Variants in PTPRQ observed in about 807,000 individuals in gnomAD.
PTPRQ encodes the protein protein tyrosine phosphatase receptor type Q.
PTPRQ carries 199 observed loss-of-function variants against 246.0 expected under a neutral mutation model. The observed-to-expected ratio is 0.81, with a 90% CI of 0.72 to 0.91. PTPRQ has a LOEUF of 0.91. Ranked by LOEUF, PTPRQ falls within the 40% of genes least tolerant of loss-of-function variation. PTPRQ has a pLI of 0.00. For synonymous variants in PTPRQ, 869 were observed against 853.2 expected, an observed-to-expected ratio of 1.02 and a Z score of -0.32; for missense variants, 2,624 against 2,528.4, an observed-to-expected ratio of 1.04 and a Z score of -0.81.
chr12:80,523,729 ATAGT>A (rs1895588125), intron 17 of PTPRQ, among the ~76,000 whole-genome samples: 1 of 152,108 alleles, frequency 6.6e-6, no homozygotes, highest in African/African-American at 2.4e-5. Flanking sequence ...GATCTGAGAG[ATAGT>A]TTGTTATAAT....
chr12:80,638,783 G>C (rs957685118), intron 35 of PTPRQ, among the ~76,000 whole-genome samples: 26 of 152,098 alleles, frequency 1.7e-4, no homozygotes, highest in Middle Eastern at 3.4e-3. Flanking sequence ...AACATTCAAG[G>C]ATATACTAAA....
rs148721886 is a variant in PTPRQ, at chr12:80,620,930, C to G, written c.5612+554C>G. Among the ~76,000 whole-genome samples the G allele has an allele frequency of 1.0e-3, 155 of 151,882 alleles. 1 individual carries two copies. The highest frequency in any genetic ancestry group is 3.7e-3 in the African/African-American group (154 of 41,506). On this transcript the variant is annotated intron_variant, in intron 32 of 44. Coordinates refer to ENST00000644991, the MANE Select transcript of PTPRQ (RefSeq NM_001145026.2). ...TTTTAAAATCAATTTGATATTTTGG[C>G]TGTATTAAATTATTTGCTAAATTGA...
chr12:80,502,541 T>C (rs1208784097), intron 14 of PTPRQ, among the ~76,000 whole-genome samples: 1 of 151,936 alleles, frequency 6.6e-6, no homozygotes, highest in South Asian at 2.1e-4. Context: ...TTAATTCCAA[T>C]TGTAATTTTC....
chr12:80,674,636 A>G (rs1046624759), intron 43 of PTPRQ, among the ~76,000 whole-genome samples: 1 of 152,178 alleles, frequency 6.6e-6, no homozygotes, highest in Non-Finnish European at 1.5e-5. Flanking sequence ...TGTAAATTGT[A>G]AACATAAATA....
chr12:80,574,022 T>G (rs2120966839), intron 25 of PTPRQ, among the ~76,000 whole-genome samples: 1 of 152,276 alleles, frequency 6.6e-6, no homozygotes, highest in Admixed American at 6.5e-5. Context: ...CGATTGTGGG[T>G]TTTTTTCTTT....
At position 80,604,983 on chromosome 12, in the gene PTPRQ, A is replaced by C. The variant is rs897729440; in HGVS notation, c.4610-76A>C. The stretch of plus-strand genomic sequence containing the variant: ...AATTTATTATGACTATCCATTTTTC[A>C]TGGTCTTTTCTATTATTGTGCTGTA... On this transcript the variant is annotated intron_variant, in intron 26 of 44. Coordinates refer to ENST00000644991, the MANE Select transcript of PTPRQ (RefSeq NM_001145026.2). The C allele has an allele frequency of 6.7e-6, 9 of 1,339,844 alleles. No homozygotes were observed. In the Admixed American group the frequency reaches 3.1e-4, roughly 47 times the overall value. 83.0% of individuals were successfully genotyped at this position (1,339,844 alleles called of 1,614,324 possible).
At position 80,669,344 on chromosome 12, in the gene PTPRQ, A is replaced by G. The variant is rs780857445; in HGVS notation, c.6333A>G (p.Arg2111=). Residue 2111 remains arginine, a synonymous_variant, in exon 41 of 45, where the codon AGA becomes AGG. Coordinates refer to ENST00000644991, the MANE Select transcript of PTPRQ (RefSeq NM_001145026.2). Reference sequence around the variant, plus strand: ...ATGATTTTCTCTGAATGCAGATCAGATGCCATCAGTATTGGCCAGAGGACA... The same window carrying G: ...ATGATTTTCTCTGAATGCAGATCAGGTGCCATCAGTATTGGCCAGAGGACA... ...LTQCFEKGRI[R]CHQYWPEDNK... is the part of the protein sequence containing the mutation. 38 of 1,549,524 alleles carry G rather than the reference A, an allele frequency of 2.5e-5. No individual in the cohort carries two copies. In the South Asian group the frequency reaches 3.0e-4, roughly 12 times the overall value.
intron 35 of PTPRQ, among the ~76,000 whole-genome samples, chr12:80,640,023 C>T (rs1899796573): frequency 7.3e-6 from 1 of 137,276 alleles, no homozygotes; most frequent in Admixed American, 7.6e-5. Flanking sequence ...TATGAAGATA[C>T]ACGTGTGTGT....
chr12:80,506,024 T>C lies in PTPRQ; in HGVS notation c.2273T>C (p.Val758Ala), dbSNP rs1894946115. ...GTATCTATATTTTTGTTTCTTTCAG[T>C]GCCTGATAGTGCACCAGAAAATATC... The part of the protein sequence containing the change: ...SLLSVRTSET[V>A]PDSAPENITY... Residue 758 changes from valine (V) to alanine (A), a missense_variant and splice_region_variant, in exon 15 of 45, where the codon GTG becomes GCG. Physicochemically the swap from Val to Ala is moderately conservative, Grantham distance 64. Coordinates refer to ENST00000644991, the MANE Select transcript of PTPRQ (RefSeq NM_001145026.2). 6 of 1,538,550 alleles carry C rather than the reference T, an allele frequency of 3.9e-6. No homozygotes were observed. The highest frequency in any genetic ancestry group is 5.3e-6 in the Non-Finnish European group (6 of 1,142,648).
intron 25 of PTPRQ, among the ~76,000 whole-genome samples, chr12:80,563,713 G>A (rs1197427429): frequency 6.6e-6 from 1 of 152,124 alleles, no homozygotes; most frequent in Non-Finnish European, 1.5e-5. Context: ...AGTCTCCACT[G>A]GGATCACCCT....
chr12:80,632,186 C>T lies in PTPRQ; in HGVS notation c.5687-6C>T, dbSNP rs1565830634. 1.3e-6 allele frequency: 2 copies of T among 1,549,884 alleles called. No homozygotes were observed. The highest frequency in any genetic ancestry group is 1.7e-6 in the Non-Finnish European group (2 of 1,146,566). On this transcript the variant is annotated splice_polypyrimidine_tract_variant and splice_region_variant and intron_variant, in intron 33 of 44. Transcript: ENST00000644991. ...ATTTAATGATCCTGTTATCCCTCTT[C>T]TCCAGGGGAAGGACTTTCAGAAAGA...
At chr12:80,544,278 G>C (rs1896241097) in intron 23 of PTPRQ, among the ~76,000 whole-genome samples, 1 of 151,512 alleles carries the variant, frequency 6.6e-6, no homozygotes, top group Non-Finnish European at 1.5e-5. Flanking sequence ...ACAATTCCAA[G>C]CATGTGATAA....
intron 17 of PTPRQ, among the ~76,000 whole-genome samples, chr12:80,530,352 G>T (rs1731116122): frequency 6.6e-6 from 1 of 152,104 alleles, no homozygotes; most frequent in Admixed American, 6.6e-5. Flanking sequence ...TCTCTATTTT[G>T]AGGATAGGGG....
intron 25 of PTPRQ, among the ~76,000 whole-genome samples, chr12:80,553,303 C>T (rs7309612): frequency 0.97 from 147,940 of 152,110 alleles, 72,165 homozygotes; most frequent in African/African-American, 0.99. Context: ...TAAAATTGTT[C>T]TGCATCTAGT....
intron 8 of PTPRQ, 37 bp downstream of exon 8, chr12:80,472,288 T>A: frequency 6.5e-7 from 1 of 1,548,950 alleles, no homozygotes; most frequent in Non-Finnish European, 8.7e-7. Context: ...ATTTTTGGTA[T>A]GCTTATGAAC....
At chr12:80,459,203 TTC>T in intron 4 of PTPRQ, 79 bp from the exon 5 acceptor site, 1 of 396,938 alleles carries the variant, frequency 2.5e-6, no homozygotes, top group Non-Finnish European at 4.4e-6. Context: ...TATATTTAAT[TTC>T]ATGTACCATG....
chr12:80,455,006 T>C (rs1892926712), intron 3 of PTPRQ, among the ~76,000 whole-genome samples: 1 of 152,154 alleles, frequency 6.6e-6, no homozygotes, highest in South Asian at 2.1e-4. Context: ...ATCCCATCTC[T>C]ACTCAAAATA....
rs1592570019 is a variant in PTPRQ at position 80,485,820 on chromosome 12, A to G, written c.1359+1215A>G. Among the ~76,000 whole-genome samples the G allele has an allele frequency of 2.0e-5, 3 of 152,186 alleles. No individual in the cohort carries two copies. In the Middle Eastern group the frequency reaches 0.01, roughly 518 times the overall value. On this transcript the variant is annotated intron_variant, in intron 9 of 44. Transcript: ENST00000644991. ...GACAGGTTTCCCACTTCTGCTAATG[A>G]CATCTGTTGAATGGGTGGCCACACC...
intron 16 of PTPRQ, among the ~76,000 whole-genome samples, chr12:80,508,136 A>C (rs2120706082): frequency 6.6e-6 from 1 of 152,102 alleles, no homozygotes; most frequent in Non-Finnish European, 1.5e-5. Flanking sequence ...CTCAAGGTAA[A>C]GTTCCATCTA....
Sources: allele counts gnomAD v4.1 joint callset (sites outside exome capture counted in the v4.1 genomes callset), GRCh38; gene constraint gnomAD v4.1.1; transcripts MANE v1.5; gene names NCBI Gene and HGNC (gene_info 2026-07-23, HGNC 2026-07-21).